The following ORC5 variants were observed in gnomAD, a reference collection of about 807,000 sequenced individuals.
The protein encoded by ORC5 is protein phosphatase 1, regulatory subunit 117.
ORC5 carries 39 observed loss-of-function variants against 58.8 expected under a neutral mutation model. The observed-to-expected ratio is 0.66, with a 90% confidence interval of 0.51 to 0.87. The LOEUF is 0.87. Among genes scored for constraint, ORC5 ranks in the 40% least tolerant of loss-of-function variants. The pLI is 0.00. For missense variants in ORC5, 493 were observed against 506.3 expected (o/e 0.97, Z 0.25); for synonymous variants, 218 against 177.6 (o/e 1.23, Z -1.81).
At chr7:104,189,635 G>T (rs1799628860) in intron 5 of ORC5, among the ~76,000 whole-genome samples, 1 of 152,164 alleles carries the variant, frequency 6.6e-6, no homozygotes, top group South Asian at 2.1e-4. Flanking sequence ...ATGAGGTTCT[G>T]AGAGTTTCCA....
intron 5 of ORC5, among the ~76,000 whole-genome samples, chr7:104,189,239 T>C (rs1799618357): frequency 6.6e-6 from 1 of 151,976 alleles, no homozygotes; most frequent in African/African-American, 2.4e-5. Flanking sequence ...CAGTTCTGCA[T>C]GGCTGGGGAG....
chr7:104,198,102 G>A (rs1799846043), intron 3 of ORC5, among the ~76,000 whole-genome samples: 1 of 152,200 alleles, frequency 6.6e-6, no homozygotes, highest in African/African-American at 2.4e-5. Context: ...CATGAGAGGA[G>A]GCAGCAAGAA....
At chr7:104,190,003 T>G (rs1799638211) in intron 5 of ORC5, among the ~76,000 whole-genome samples, 1 of 152,158 alleles carries the variant, frequency 6.6e-6, no homozygotes, top group African/African-American at 2.4e-5. Context: ...GTGTCAGAAG[T>G]GAATTGAATT....
intron 6 of ORC5, 182 bp downstream of exon 6, chr7:104,188,069 C>T: frequency 1.0e-6 from 1 of 981,540 alleles, no homozygotes; most frequent in Non-Finnish European, 1.3e-6. Context: ...CAGACATCTA[C>T]CTTCTTATGG....
intron 12 of ORC5, among the ~76,000 whole-genome samples, chr7:104,146,934 G>A (rs1798761948): frequency 6.6e-6 from 1 of 152,128 alleles, no homozygotes; most frequent in East Asian, 1.9e-4. Flanking sequence ...CACACAGGAA[G>A]AGAGAATACA....
intron 11 of ORC5, 79 bp from the exon 12 acceptor site, chr7:104,161,261 A>G (rs545408675): frequency 2.6e-6 from 2 of 759,780 alleles, no homozygotes; most frequent in South Asian, 3.0e-5. Flanking sequence ...ACTGCCAGTA[A>G]CAATGTATTT....
intron 10 of ORC5, among the ~76,000 whole-genome samples, 177 bp downstream of exon 10, chr7:104,166,595 C>T (rs1441982273): frequency 6.6e-6 from 1 of 152,082 alleles, no homozygotes; most frequent in Admixed American, 6.5e-5. Context: ...AACTGCCTAC[C>T]TTTTCTCAAA....
Position 104,126,715 on chromosome 7 carries a change from A to T in ORC5, c.*133T>A. The T allele has an allele frequency of 1.6e-6, 1 of 628,752 alleles. No homozygotes were observed. The allele number at this position is 628,752 out of a possible 1,614,324, so 38.9% of individuals were successfully genotyped here. A position where few individuals can be genotyped will look rare whatever the true frequency, so the allele number is the denominator to read the frequency against. ...AATCAGAATATTTTCATCAGATTCC[A>T]TGCTGGGCCAGCACCTGTTTGGACA... On this transcript the variant is annotated 3_prime_UTR_variant, in exon 14 of 14. Transcript: ENST00000297431.
rs1042263162 is a variant in ORC5 at position 104,126,702 on chromosome 7, T to C, written c.*146A>G. 2 of 596,338 alleles carry C rather than the reference T, an allele frequency of 3.4e-6. No individual in the cohort carries two copies. The highest frequency in any genetic ancestry group is 6.7e-5 in the Admixed American group (2 of 30,062). The allele number at this position is 596,338 out of a possible 1,614,324, so 36.9% of individuals were successfully genotyped here. On this transcript the variant is annotated 3_prime_UTR_variant, in exon 14 of 14. Transcript: ENST00000297431. Reference sequence around the variant, plus strand: ...ATCCACCCAGACCAATCAGAATATTTTCATCAGATTCCATGCTGGGCCAGC... The same window carrying C: ...ATCCACCCAGACCAATCAGAATATTCTCATCAGATTCCATGCTGGGCCAGC...
At chr7:104,158,888 A>G (rs1798975255) in intron 12 of ORC5, among the ~76,000 whole-genome samples, 2 of 151,746 alleles carry the variant, frequency 1.3e-5, no homozygotes, top group South Asian at 2.1e-4. Context: ...TGGGACTGTA[A>G]ACTAGTTCAA....
At chr7:104,205,976 C>T (rs1242078648) in intron 1 of ORC5, among the ~76,000 whole-genome samples, 1 of 152,120 alleles carries the variant, frequency 6.6e-6, no homozygotes, top group African/African-American at 2.4e-5. Flanking sequence ...CCACTGCACT[C>T]CAGCCTGGGA....
chr7:104,147,551 A>G (rs1029866917), intron 12 of ORC5, among the ~76,000 whole-genome samples: 2 of 152,186 alleles, frequency 1.3e-5, no homozygotes, highest in African/African-American at 4.8e-5. Flanking sequence ...GAAACTTTGG[A>G]GATCAATACT....
At chr7:104,203,404 G>A (rs1799994045) in intron 2 of ORC5, among the ~76,000 whole-genome samples, 1 of 152,158 alleles carries the variant, frequency 6.6e-6, no homozygotes, top group Non-Finnish European at 1.5e-5. Context: ...CAAAATGTTA[G>A]TTATCCGGCC....
chr7:104,141,466 T>A (rs561743884), intron 12 of ORC5, among the ~76,000 whole-genome samples: 7 of 152,206 alleles, frequency 4.6e-5, no homozygotes, highest in Non-Finnish European at 1.0e-4. Flanking sequence ...ATCTATCTTT[T>A]GCCACTTGCT....
rs374376730 is a variant in ORC5, at chr7:104,207,956, C to A, written c.-52G>T. The A allele has an allele frequency of 6.5e-7, 1 of 1,548,022 alleles. No homozygotes were observed. Among genetic ancestry groups the A allele is most frequent in the Admixed American group, 1.7e-5 (1 of 59,568 alleles). The stretch of plus-strand genomic sequence containing the variant: ...GTGCAGCCAGCCCACAGGACCCTTG[C>A]ACAAGACGGAGCCTCTCCCGAGTCT... On this transcript the variant is annotated 5_prime_UTR_variant, in exon 1 of 14. Transcript: ENST00000297431.
intron 3 of ORC5, among the ~76,000 whole-genome samples, chr7:104,199,626 T>C (rs1799890071): frequency 6.6e-6 from 1 of 152,258 alleles, no homozygotes; most frequent in South Asian, 2.1e-4. Flanking sequence ...CCATTGTATC[T>C]AGAAAGTAAC....
rs142288097 is a variant in ORC5, at chr7:104,135,354, T to C, written c.1262+1427A>G. Among the ~76,000 whole-genome samples, 961 of 152,346 alleles carry C rather than the reference T, an allele frequency of 6.3e-3. 14 individuals carry two copies. Among genetic ancestry groups the C allele is most frequent in the African/African-American group, 0.022 (918 of 41,582 alleles). ...GCTCAATTTTCTCTGCGTAAAAGTTTTCCTGGTTTTATTAAAATGAAACAC... is the reference window on the plus strand; with the variant it reads ...GCTCAATTTTCTCTGCGTAAAAGTTCTCCTGGTTTTATTAAAATGAAACAC... On this transcript the variant is annotated intron_variant, in intron 13 of 13. Transcript: ENST00000297431.
At chr7:104,168,243 A>C in intron 9 of ORC5, 1 of 1,089,538 alleles carries the variant, frequency 9.2e-7, no homozygotes, top group African/African-American at 1.6e-5. Context: ...TCATGATATA[A>C]TCCAATATTT....
intron 9 of ORC5, chr7:104,168,254 A>G: frequency 9.0e-7 from 1 of 1,113,092 alleles, no homozygotes; most frequent in Admixed American, 3.8e-5. Flanking sequence ...TCCAATATTT[A>G]GAAAATAGAA....
Sources: gnomAD v4.1 joint callset for allele counts (sites outside exome capture counted in the v4.1 genomes callset) on GRCh38, gnomAD v4.1.1 for gene constraint, MANE v1.5 for transcripts, NCBI Gene and HGNC (gene_info 2026-07-23, HGNC 2026-07-21) for gene names.